Variants in TBCE observed in about 807,000 individuals in gnomAD.
The protein encoded by TBCE is tubulin-specific chaperone E.
Under a neutral mutation model 77.0 loss-of-function variants are expected in TBCE, and 53 were observed. The ratio of observed to expected loss-of-function variants is 0.69; its 90% CI spans 0.55 to 0.87. TBCE has a LOEUF of 0.87. TBCE is among the 40% of genes least tolerant of loss of function. The pLI, the probability that TBCE is intolerant of heterozygous loss-of-function variation, is 0.00. For missense variants in TBCE, 624 were observed against 622.4 expected (o/e 1.00, Z -0.03); for synonymous variants, 235 against 241.3 (o/e 0.97, Z 0.24).
intron 3 of TBCE, chr1:235,414,105 C>G (rs1017214304): frequency 3.0e-6 from 1 of 329,322 alleles, no homozygotes; most frequent in African/African-American, 2.2e-5. Context: ...GTCCTCCTGC[C>G]TTGGCCTCCC....
chr1:235,447,024 A>G (rs559858357), intron 15 of TBCE, among the ~76,000 whole-genome samples: 1 of 152,244 alleles, frequency 6.6e-6, no homozygotes, highest in South Asian at 2.1e-4. Flanking sequence ...GGCATGTGTT[A>G]GGAGTATGTC....
chr1:235,416,403 A>G lies in TBCE; in HGVS notation c.371+1785A>G, dbSNP rs1259948985. 6.6e-5 allele frequency among the ~76,000 whole-genome samples: 10 copies of G among 152,084 alleles called. No homozygotes were observed. The South Asian group carries it at 1.9e-3, about 28-fold the overall frequency. On this transcript the variant is annotated intron_variant, in intron 4 of 16. Transcript: ENST00000642610. Reference sequence around the variant, plus strand: ...TAGCTGGGTGTAGTGGTGCGTGCCTATAGTCCCAACTATTTGGGAAGCTGA... The same window carrying G: ...TAGCTGGGTGTAGTGGTGCGTGCCTGTAGTCCCAACTATTTGGGAAGCTGA...
intron 3 of TBCE, among the ~76,000 whole-genome samples, chr1:235,412,878 A>G (rs2102880033): frequency 6.6e-6 from 1 of 152,288 alleles, no homozygotes; most frequent in East Asian, 1.9e-4. Context: ...ATCTTGGCTC[A>G]CCGCAACCTC....
intron 4 of TBCE, chr1:235,415,582 A>G (rs1268204375): frequency 6.6e-6 from 1 of 152,192 alleles, no homozygotes; most frequent in Non-Finnish European, 1.5e-5. Context: ...TCAGTCTCTA[A>G]AAGAATTAAG....
intron 5 of TBCE, among the ~76,000 whole-genome samples, chr1:235,422,003 G>A (rs1680424846): frequency 6.6e-6 from 1 of 152,202 alleles, no homozygotes; most frequent in African/African-American, 2.4e-5. Context: ...TGTGGTAGCT[G>A]CACAGGTCTC....
Position 235,408,363 on chromosome 1 carries a change from G to A in TBCE, c.186-6070G>A, listed in dbSNP as rs569168603. 2.0e-5 allele frequency among the ~76,000 whole-genome samples: 3 copies of A among 151,226 alleles called. No homozygotes were observed. The South Asian group carries it at 6.3e-4, about 32-fold the overall frequency. Reference sequence around the variant, plus strand: ...TCATAAGCCAGTTGTAAAGTGTTTTGAGGATCTTGGCTGAGCATTAATGGA... The same window carrying A: ...TCATAAGCCAGTTGTAAAGTGTTTTAAGGATCTTGGCTGAGCATTAATGGA... On this transcript the variant is annotated intron_variant, in intron 3 of 16. Transcript: ENST00000642610.
In TBCE at chr1:235,448,402, C is replaced by CAG. The variant is rs1385120362; in HGVS notation, c.1453_1454insAG (p.Pro485GlnfsTer26). On this transcript the variant is annotated frameshift_variant, in exon 16 of 17. Coordinates refer to ENST00000642610, the MANE Select transcript of TBCE (RefSeq NM_003193.5). LOFTEE classifies it high-confidence loss of function. ...ATTGCTGTCACGTCTTCTCAAAGTT[C>CAG]CTGTGTCAGACCTTCTGTTGTCCTA... 1 of 1,613,936 alleles carries CAG rather than the reference C, an allele frequency of 6.2e-7. No individual in the cohort carries two copies. The highest frequency in any genetic ancestry group is 2.2e-5 in the East Asian group (1 of 44,892).
intron 2 of TBCE, among the ~76,000 whole-genome samples, chr1:235,394,958 G>A (rs901700702): frequency 1.3e-5 from 2 of 152,144 alleles, no homozygotes; most frequent in South Asian, 2.1e-4. Flanking sequence ...TCCTGCCTTG[G>A]CCTCCGAAAG....
intron 4 of TBCE, 148 bp downstream of exon 4, chr1:235,414,766 C>T: frequency 1.3e-6 from 1 of 750,360 alleles, no homozygotes; most frequent in Non-Finnish European, 2.3e-6. Context: ...TCTGAGGAAT[C>T]CAAGAATTAT....
At chr1:235,394,646 C>G (rs1472496484) in intron 2 of TBCE, among the ~76,000 whole-genome samples, 1 of 151,660 alleles carries the variant, frequency 6.6e-6, no homozygotes, top group Non-Finnish European at 1.5e-5. Flanking sequence ...GTGTTTAGCA[C>G]CTGGGCTCAA....
At chr1:235,394,085 AT>A (rs1678572690) in intron 2 of TBCE, among the ~76,000 whole-genome samples, 1 of 151,954 alleles carries the variant, frequency 6.6e-6, no homozygotes, top group African/African-American at 2.4e-5. Context: ...ATTTTTATTT[AT>A]TTTTTTGAGA....
At chr1:235,448,589 G>A (rs1339593216) in intron 16 of TBCE, 81 bp from the exon 17 acceptor site, 17 of 1,384,424 alleles carry the variant, frequency 1.2e-5, no homozygotes, top group Middle Eastern at 3.8e-4. Flanking sequence ...GCCTGGGGAC[G>A]GGGTGGGGGA....
chr1:235,427,091 GTCTTTTGTGAA>G, intron 5 of TBCE, 38 bp from the exon 6 acceptor site: 1 of 1,306,780 alleles, frequency 7.7e-7, no homozygotes, highest in Non-Finnish European at 1.1e-6. Flanking sequence ...CTCCTTTTAT[GTCTTTTGTGAA>G]TCTTTTGAAA....
At chr1:235,435,075 C>T (rs559970873) in intron 8 of TBCE, among the ~76,000 whole-genome samples, 94 of 151,598 alleles carry the variant, frequency 6.2e-4, no homozygotes, top group African/African-American at 2.2e-3. Flanking sequence ...AGAAGGGTTT[C>T]ATTATGTAGG....
At chr1:235,392,316 C>T (rs1678437198) in intron 2 of TBCE, among the ~76,000 whole-genome samples, 1 of 151,886 alleles carries the variant, frequency 6.6e-6, no homozygotes, top group South Asian at 2.1e-4. Context: ...GATCGTGCCA[C>T]TGCACTCCAG....
intron 15 of TBCE, among the ~76,000 whole-genome samples, chr1:235,443,344 G>A (rs1213750795): frequency 1.3e-5 from 2 of 151,988 alleles, no homozygotes; most frequent in African/African-American, 4.8e-5. Flanking sequence ...GGGACTACAC[G>A]TGCGAGCCAC....
rs1682696009 is a variant in TBCE at position 235,448,910 on chromosome 1, G to GA, written c.*150dup. ...TAACAAGGGATGTATTTTTTGTTGG[G>GA]AAGTGACCATTTCTAGGCTTATACA... On this transcript the variant is annotated 3_prime_UTR_variant, in exon 17 of 17. Coordinates refer to ENST00000642610, the MANE Select transcript of TBCE (RefSeq NM_003193.5). 1.5e-6 allele frequency: 1 copy of GA among 678,780 alleles called. No individual in the cohort carries two copies. The allele number at this position is 678,780 out of a possible 1,614,324, so 42.0% of individuals were successfully genotyped here. A position where few individuals can be genotyped will look rare whatever the true frequency, so the allele number is the denominator to read the frequency against.
chr1:235,398,954 T>A (rs1678919617), intron 2 of TBCE, among the ~76,000 whole-genome samples: 1 of 151,046 alleles, frequency 6.6e-6, no homozygotes, highest in East Asian at 2.0e-4. Context: ...CACTATTTCT[T>A]TTCTTTTTTT....
chr1:235,377,220 G>T (rs868803984), intron 1 of TBCE, among the ~76,000 whole-genome samples: 1 of 152,026 alleles, frequency 6.6e-6, no homozygotes, highest in Non-Finnish European at 1.5e-5. Flanking sequence ...TTGCTCTGTC[G>T]CCAGGCTGGA....
Sources: allele counts gnomAD v4.1 joint callset (sites outside exome capture counted in the v4.1 genomes callset), GRCh38; gene constraint gnomAD v4.1.1; transcripts MANE v1.5; gene names NCBI Gene and HGNC (gene_info 2026-07-23, HGNC 2026-07-21).